Variants in CACNA1C observed in about 807,000 individuals in gnomAD.
The protein encoded by CACNA1C is voltage-dependent L-type calcium channel subunit alpha-1C.
A neutral mutation model predicts 229.0 loss-of-function variants in CACNA1C; 30 were observed. The observed-to-expected ratio is 0.13, with a 90% CI of 0.10 to 0.18. CACNA1C has a LOEUF of 0.18. Ranked by LOEUF, CACNA1C falls within the 10% of genes least tolerant of loss-of-function variation. The pLI, the probability that CACNA1C is intolerant of heterozygous loss-of-function variation, is 1.00. For synonymous variants in CACNA1C, 1,114 were observed against 1,132.5 expected (o/e 0.98, Z 0.33); for missense variants, 1,658 against 2,845.0 (o/e 0.58, Z 9.49).
intron 3 of CACNA1C, among the ~76,000 whole-genome samples, chr12:2,310,352 A>AC (rs1555425896): frequency 1.4e-5 from 2 of 139,828 alleles, no homozygotes; most frequent in African/African-American, 5.3e-5. Context: ...TAAAAAAAAA[A>AC]ATATATATAT....
chr12:2,170,321 A>G (rs890628746), intron 3 of CACNA1C, among the ~76,000 whole-genome samples: 17 of 151,870 alleles, frequency 1.1e-4, no homozygotes, highest in African/African-American at 3.9e-4. Flanking sequence ...ACTCTGCTTT[A>G]CCTGCCGTGA....
chr12:2,261,377 T>C (rs991440506), intron 3 of CACNA1C, among the ~76,000 whole-genome samples: 2 of 152,252 alleles, frequency 1.3e-5, no homozygotes, highest in Non-Finnish European at 2.9e-5. Context: ...TCTGACTTAC[T>C]AGAAAACAGC....
chr12:2,643,203 A>G (rs941391787), intron 30 of CACNA1C, among the ~76,000 whole-genome samples: 80 of 152,350 alleles, frequency 5.3e-4, no homozygotes, highest in African/African-American at 1.9e-3. Context: ...CTCTCCTTCT[A>G]GCTGGAATTC....
Position 2,651,550 on chromosome 12 carries a change from C to T in CACNA1C, c.3946-90C>T, listed in dbSNP as rs757162770. On this transcript the variant is annotated intron_variant, in intron 31 of 46. Coordinates refer to ENST00000399655, the MANE Select transcript of CACNA1C (RefSeq NM_000719.7). The surrounding 1 kb of genome is among the most constrained non-coding windows in gnomAD (Gnocchi z 5.4). The stretch of plus-strand genomic sequence containing the variant: ...ACCCTGGCCTGCCTTCCGCCACTGC[C>T]ACTGAGGTCTGTATTTCTCGGAGGG... The T allele has an allele frequency of 5.6e-6, 9 of 1,603,254 alleles. No homozygotes were observed. Among genetic ancestry groups the T allele is most frequent in the South Asian group, 1.1e-5 (1 of 90,710 alleles).
intron 3 of CACNA1C, among the ~76,000 whole-genome samples, chr12:2,396,451 C>T (rs1217802055): frequency 2.0e-5 from 3 of 152,158 alleles, no homozygotes; most frequent in African/African-American, 4.8e-5. Flanking sequence ...AAAGGCGATC[C>T]GGCTGCCCAA....
At chr12:2,098,451 G>A (rs1285460375) in intron 1 of CACNA1C, among the ~76,000 whole-genome samples, 1 of 152,180 alleles carries the variant, frequency 6.6e-6, no homozygotes, top group Non-Finnish European at 1.5e-5. Flanking sequence ...CTGTGTGTGG[G>A]TACATTTGTG....
intron 39 of CACNA1C, among the ~76,000 whole-genome samples, chr12:2,675,716 A>G (rs2096774032): frequency 6.6e-6 from 1 of 152,252 alleles, no homozygotes; most frequent in South Asian, 2.1e-4. Flanking sequence ...TGCAAAATGA[A>G]ATTATGTTCC....
At chr12:2,421,293 A>G (rs2098976537) in intron 3 of CACNA1C, among the ~76,000 whole-genome samples, 1 of 152,258 alleles carries the variant, frequency 6.6e-6, no homozygotes, top group Admixed American at 6.5e-5. Context: ...CTTGTTTCAT[A>G]GAACACGTAA....
chr12:2,083,642 T>G (rs536934956), intron 1 of CACNA1C, among the ~76,000 whole-genome samples: 1 of 152,368 alleles, frequency 6.6e-6, no homozygotes, highest in African/African-American at 2.4e-5. Context: ...AAGAAAATGC[T>G]GTGTAAACTT....
At chr12:2,626,924 C>T (rs751335494) in intron 29 of CACNA1C, among the ~76,000 whole-genome samples, 1 of 152,140 alleles carries the variant, frequency 6.6e-6, no homozygotes, top group Non-Finnish European at 1.5e-5. Flanking sequence ...AATAAATGGA[C>T]GAAGGCCTTC....
chr12:2,230,470 G>C (rs930589969), intron 3 of CACNA1C, among the ~76,000 whole-genome samples: 2 of 152,232 alleles, frequency 1.3e-5, no homozygotes, highest in Non-Finnish European at 2.9e-5. Flanking sequence ...AAGAGACTGA[G>C]AACTTAAAAG....
At chr12:2,300,982 G>T (rs935605208) in intron 3 of CACNA1C, among the ~76,000 whole-genome samples, 2 of 152,218 alleles carry the variant, frequency 1.3e-5, no homozygotes, top group African/African-American at 4.8e-5. Flanking sequence ...GGTCCCTGTT[G>T]TCCTGGAGCT....
At chr12:2,177,582 TC>T (rs1449729515) in intron 3 of CACNA1C, among the ~76,000 whole-genome samples, 3 of 34,858 alleles carry the variant, frequency 8.6e-5, no homozygotes, top group African/African-American at 4.8e-4. Context: ...CCTCCCTCCC[TC>T]CCTCCCTTCC....
intron 27 of CACNA1C, among the ~76,000 whole-genome samples, chr12:2,609,300 T>G (rs1336135406): frequency 2.0e-5 from 3 of 151,996 alleles, no homozygotes; most frequent in Non-Finnish European, 2.9e-5. Context: ...ATGTAGTGCC[T>G]CAGGTCTGTT....
At chr12:2,373,510 AG>A (rs2097926264) in intron 3 of CACNA1C, among the ~76,000 whole-genome samples, 1 of 152,002 alleles carries the variant, frequency 6.6e-6, no homozygotes, top group African/African-American at 2.4e-5. Flanking sequence ...AGCTAGAGAG[AG>A]GGTGTCCCAG....
chr12:2,106,502 A>C (rs2078697637), intron 1 of CACNA1C, among the ~76,000 whole-genome samples: 1 of 92,326 alleles, frequency 1.1e-5, no homozygotes, highest in Non-Finnish European at 2.3e-5. Flanking sequence ...GAGGGTTTCC[A>C]CCTCAGCTGG....
chr12:2,466,040 A>T (rs1211560080), intron 5 of CACNA1C, among the ~76,000 whole-genome samples: 1 of 152,188 alleles, frequency 6.6e-6, no homozygotes, highest in Admixed American at 6.5e-5. Flanking sequence ...CCCCAGGTGA[A>T]CCACACGCAT....
intron 1 of CACNA1C, among the ~76,000 whole-genome samples, chr12:2,016,712 G>A (rs11062073): frequency 0.18 from 27,973 of 152,170 alleles, 2,711 homozygotes; most frequent in Non-Finnish European, 0.21. Flanking sequence ...TTACAGGCGT[G>A]AGCCACCATG....
chr12:2,031,231 C>G (rs1429186215), intron 1 of CACNA1C, among the ~76,000 whole-genome samples: 1 of 152,238 alleles, frequency 6.6e-6, no homozygotes, highest in African/African-American at 2.4e-5. Flanking sequence ...TCCAATCACT[C>G]TCTTGGGGGT....
Sources: gnomAD v4.1 joint callset for allele counts (sites outside exome capture counted in the v4.1 genomes callset) on GRCh38, gnomAD v4.1.1 for gene constraint, Gnocchi (gnomAD v3.1) non-coding constraint, MANE v1.5 for transcripts, NCBI Gene and HGNC (gene_info 2026-07-23, HGNC 2026-07-21) for gene names.